The following SLC25A21 variants were observed in gnomAD, a reference collection of about 807,000 sequenced individuals.
SLC25A21 encodes solute carrier family 25 member 21, also known as mitochondrial 2-oxodicarboxylate carrier.
SLC25A21 carries 47 observed loss-of-function variants against 43.8 expected under a neutral mutation model. The observed-to-expected ratio is 1.07, with a 90% CI of 0.85 to 1.37. The LOEUF is 1.37. Ranked by LOEUF, SLC25A21 falls within the 40% of genes most tolerant of loss-of-function variation. The pLI is 0.00. For missense variants in SLC25A21, 352 were observed against 350.2 expected, an observed-to-expected ratio of 1.00 and a Z score of -0.04; for synonymous variants, 131 against 121.3, an observed-to-expected ratio of 1.08 and a Z score of -0.52.
intron 1 of SLC25A21, among the ~76,000 whole-genome samples, chr14:37,139,281 AG>A (rs1269663087): frequency 1.6e-4 from 25 of 152,290 alleles, no homozygotes; most frequent in Admixed American, 1.4e-3. Flanking sequence ...AATAAATAAC[AG>A]GACAAATTCT....
chr14:36,761,411 T>G (rs1306578274), intron 3 of SLC25A21, among the ~76,000 whole-genome samples: 1 of 152,238 alleles, frequency 6.6e-6, no homozygotes, highest in African/African-American at 2.4e-5. Context: ...AGGAAAATAT[T>G]TGCTCCTCTC....
intron 1 of SLC25A21, among the ~76,000 whole-genome samples, chr14:36,975,313 T>C (rs901646291): frequency 6.6e-6 from 1 of 152,126 alleles, no homozygotes; most frequent in African/African-American, 2.4e-5. Context: ...ATCTCATAAA[T>C]CACCACTAAA....
At chr14:36,682,316 A>T (rs575550297) in intron 9 of SLC25A21, among the ~76,000 whole-genome samples, 1 of 152,088 alleles carries the variant, frequency 6.6e-6, no homozygotes, top group Non-Finnish European at 1.5e-5. Flanking sequence ...AATGAAGTGG[A>T]GGGCAGGTCT....
At chr14:37,085,968 G>C (rs1352187890) in intron 1 of SLC25A21, among the ~76,000 whole-genome samples, 1 of 152,122 alleles carries the variant, frequency 6.6e-6, no homozygotes, top group Non-Finnish European at 1.5e-5. Flanking sequence ...AGCCGGGCGT[G>C]GTGGCGGGCG....
chr14:37,151,806 G>T (rs780915685), intron 1 of SLC25A21, among the ~76,000 whole-genome samples: 3 of 152,120 alleles, frequency 2.0e-5, no homozygotes, highest in Non-Finnish European at 4.4e-5. Flanking sequence ...AGGCCAAGGC[G>T]GGCAGATCAC....
rs199544802 is a variant in SLC25A21, at chr14:36,897,460, A to G, written c.71-22456T>C. Among the ~76,000 whole-genome samples, 65 of 151,860 alleles carry G rather than the reference A, an allele frequency of 4.3e-4. 2 individuals are homozygous for G. In the East Asian group the frequency reaches 0.012, roughly 28 times the overall value. ...GTCTAATTTTTTTTCAAGGTTTTTA[A>G]CTTCTTTGCCATGGGTTCGAACTTC... On this transcript the variant is annotated intron_variant, in intron 1 of 9. Transcript: ENST00000331299.
chr14:37,029,909 C>T (rs1961174303), intron 1 of SLC25A21, among the ~76,000 whole-genome samples: 1 of 151,810 alleles, frequency 6.6e-6, no homozygotes. Context: ...GGATTACAAG[C>T]GTGTGCCACC....
At chr14:36,764,079 A>AGAAGGAAG (rs780464975) in intron 3 of SLC25A21, among the ~76,000 whole-genome samples, 67 of 41,860 alleles carry the variant, frequency 1.6e-3, no homozygotes, top group Non-Finnish European at 2.0e-3. Flanking sequence ...AAAGAAAGAA[A>AGAAGGAAG]GAAGGAAGGA....
At chr14:37,113,684 T>G (rs1039589672) in intron 1 of SLC25A21, among the ~76,000 whole-genome samples, 5 of 151,826 alleles carry the variant, frequency 3.3e-5, no homozygotes, top group Admixed American at 1.3e-4. Flanking sequence ...TAAAACCCTG[T>G]CTCCACTAAA....
At chr14:36,934,720 A>AAGAGAG (rs71124785) in intron 1 of SLC25A21, among the ~76,000 whole-genome samples, 11 of 150,658 alleles carry the variant, frequency 7.3e-5, no homozygotes, top group African/African-American at 2.2e-4. Context: ...ACACAGAGAA[A>AAGAGAG]AGAGAGAGAG....
At chr14:36,702,861 A>C (rs1250180023) in intron 7 of SLC25A21, among the ~76,000 whole-genome samples, 2 of 151,980 alleles carry the variant, frequency 1.3e-5, no homozygotes, top group African/African-American at 4.8e-5. Context: ...ACTGGCCTGA[A>C]ATTTATTTAA....
chr14:37,130,530 G>C (rs866137410), intron 1 of SLC25A21, among the ~76,000 whole-genome samples: 18 of 151,496 alleles, frequency 1.2e-4, no homozygotes, highest in Admixed American at 9.2e-4. Flanking sequence ...ATAATGCTTA[G>C]AGCATAAATA....
chr14:36,824,668 C>A (rs975106888), intron 2 of SLC25A21, among the ~76,000 whole-genome samples: 3 of 152,026 alleles, frequency 2.0e-5, no homozygotes, highest in Non-Finnish European at 4.4e-5. Flanking sequence ...TCCAGTGGTA[C>A]TGTACTAAAA....
Position 36,939,541 on chromosome 14 carries a change from G to A in SLC25A21, c.71-64537C>T, listed in dbSNP as rs142890530. On this transcript the variant is annotated intron_variant, in intron 1 of 9. Transcript: ENST00000331299. ...CTATCTCCAGGTTACCTGGAGCTTT[G>A]TCAAATCTCCCAGAACCCAACCTCT... 7.1e-3 allele frequency among the ~76,000 whole-genome samples: 1,080 copies of A among 152,050 alleles called. 17 individuals carry two copies. The highest frequency in any genetic ancestry group is 0.024 in the African/African-American group (998 of 41,484).
At chr14:36,832,173 C>A (rs1023131643) in intron 2 of SLC25A21, among the ~76,000 whole-genome samples, 2 of 152,064 alleles carry the variant, frequency 1.3e-5, no homozygotes, top group Non-Finnish European at 2.9e-5. Context: ...TGGAAAGAGA[C>A]AGTGACTTGA....
intron 1 of SLC25A21, among the ~76,000 whole-genome samples, chr14:36,950,822 G>A (rs1445692643): frequency 6.6e-6 from 1 of 152,112 alleles, no homozygotes; most frequent in Non-Finnish European, 1.5e-5. Context: ...CTTATTGCAC[G>A]GGAATACTCA....
intron 6 of SLC25A21, among the ~76,000 whole-genome samples, chr14:36,721,480 A>C (rs1300750147): frequency 6.6e-6 from 1 of 152,206 alleles, no homozygotes; most frequent in African/African-American, 2.4e-5. Context: ...TTTACCAATG[A>C]GGGAACTGCA....
intron 1 of SLC25A21, among the ~76,000 whole-genome samples, chr14:37,134,420 C>A (rs1263108223): frequency 6.6e-6 from 1 of 152,008 alleles, no homozygotes; most frequent in Non-Finnish European, 1.5e-5. Flanking sequence ...ATCAAGTATC[C>A]TGACACTCAG....
At chr14:37,009,500 A>G (rs1960683500) in intron 1 of SLC25A21, among the ~76,000 whole-genome samples, 1 of 152,114 alleles carries the variant, frequency 6.6e-6, no homozygotes, top group Admixed American at 6.6e-5. Context: ...AAAAAAAAGA[A>G]CTTAGATAGC....
Sources: gnomAD v4.1 joint callset for allele counts (sites outside exome capture counted in the v4.1 genomes callset) on GRCh38, gnomAD v4.1.1 for gene constraint, MANE v1.5 for transcripts, NCBI Gene and HGNC (gene_info 2026-07-23, HGNC 2026-07-21) for gene names.